The following IDO2 variants were observed in gnomAD, a reference collection of about 807,000 sequenced individuals.
IDO2 encodes indoleamine 2,3-dioxygenase-like 1 protein.
IDO2 carries 46 observed loss-of-function variants against 45.1 expected under a neutral mutation model. That is an observed-to-expected ratio of 1.02 (90% CI 0.80 to 1.30). The LOEUF is 1.30. Among genes scored for constraint, IDO2 ranks in the 50% most tolerant of loss-of-function variants. The pLI is 0.00. For synonymous variants in IDO2, 218 were observed against 184.9 expected (o/e 1.18, Z -1.45); for missense variants, 544 against 491.8 (o/e 1.11, Z -1.00).
At chr8:39,978,958 A>G in intron 3 of IDO2, 109 bp from the exon 4 acceptor site, 1 of 1,013,526 alleles carries the variant, frequency 9.9e-7, no homozygotes, top group Non-Finnish European at 1.5e-6. Context: ...AATATAACCC[A>G]TTGCCTTCCA....
At chr8:39,955,296 C>G (rs2543084) in intron 2 of IDO2, among the ~76,000 whole-genome samples, 26,934 of 136,046 alleles carry the variant, frequency 0.2, 2,592 homozygotes, top group East Asian at 0.28. Context: ...CTCTTGTTGC[C>G]TAGGCTGGAG....
intron 3 of IDO2, among the ~76,000 whole-genome samples, chr8:39,978,470 C>T (rs1348769702): frequency 1.3e-5 from 2 of 152,086 alleles, no homozygotes; most frequent in Non-Finnish European, 2.9e-5. Context: ...TGCTTTCAAC[C>T]ATGATACCGC....
chr8:39,993,142 G>A (rs535465854), intron 8 of IDO2, among the ~76,000 whole-genome samples: 4 of 152,174 alleles, frequency 2.6e-5, no homozygotes, highest in South Asian at 4.1e-4. Context: ...GCTTTCCAGC[G>A]ACTCAGCCAG....
intron 8 of IDO2, among the ~76,000 whole-genome samples, chr8:40,001,217 A>G (rs1005518797): frequency 9.8e-6 from 1 of 102,564 alleles, no homozygotes; most frequent in African/African-American, 3.9e-5. Flanking sequence ...ATTCGTGCCT[A>G]TTTTCTGTAA....
At position 39,980,560 on chromosome 8, in the gene IDO2, G is replaced by T. The variant is rs547070341; in HGVS notation, c.315+1374G>T. On this transcript the variant is annotated intron_variant, in intron 4 of 10. Transcript: ENST00000502986. The stretch of plus-strand genomic sequence containing the variant: ...TTAAAAGTTACTGTTATTTTTAAAA[G>T]TGTGCCTTCCCCAGAAATCAGGGAG... Among the ~76,000 whole-genome samples, 15 of 152,064 alleles carry T rather than the reference G, an allele frequency of 9.9e-5. No homozygotes were observed. In the East Asian group the frequency reaches 2.7e-3, roughly 28 times the overall value.
At chr8:39,955,814 G>A (rs1295310788) in intron 2 of IDO2, among the ~76,000 whole-genome samples, 5 of 152,010 alleles carry the variant, frequency 3.3e-5, no homozygotes, top group Admixed American at 6.6e-5. Flanking sequence ...GTCCCCAAAC[G>A]TTTTCTATAT....
In IDO2 at chr8:39,984,475, A is replaced by G. The variant is rs181295056; in HGVS notation, c.435-1033A>G. 1.1e-3 allele frequency among the ~76,000 whole-genome samples: 170 copies of G among 152,308 alleles called. 2 individuals are homozygous for G. Among genetic ancestry groups the G allele is most frequent in the African/African-American group, 3.7e-3 (153 of 41,548 alleles). ...GGGTGACAGAGTGAGATCCTATCTC[A>G]AAAACAAACAAAACAAAACAAAACA... is the stretch of plus-strand genomic sequence containing the variant. On this transcript the variant is annotated intron_variant, in intron 5 of 10. Coordinates refer to ENST00000502986, the Ensembl canonical transcript of IDO2.
intron 9 of IDO2, among the ~76,000 whole-genome samples, chr8:40,012,619 G>T (rs1802324618): frequency 6.6e-6 from 1 of 152,184 alleles, no homozygotes; most frequent in Non-Finnish European, 1.5e-5. Context: ...AACTGTGATT[G>T]TTCAAGACTA....
chr8:39,981,125 G>T (rs1432787324), intron 4 of IDO2, among the ~76,000 whole-genome samples: 3 of 149,196 alleles, frequency 2.0e-5, no homozygotes, highest in Non-Finnish European at 4.4e-5. Context: ...GCAGTGGCAC[G>T]ATCTTGGCTC....
At chr8:40,010,847 T>C (rs955862131) in intron 9 of IDO2, among the ~76,000 whole-genome samples, 1 of 152,162 alleles carries the variant, frequency 6.6e-6, no homozygotes, top group Admixed American at 6.5e-5. Context: ...GTCTGGAATA[T>C]AGGGGAGTGG....
intron 2 of IDO2, among the ~76,000 whole-genome samples, chr8:39,961,097 T>G (rs931860791): frequency 1.3e-5 from 2 of 152,180 alleles, no homozygotes; most frequent in Non-Finnish European, 2.9e-5. Flanking sequence ...TGTCTTGACT[T>G]TTATAGGGTC....
intron 1 of IDO2, among the ~76,000 whole-genome samples, chr8:39,946,841 G>A (rs1807739421): frequency 1.3e-5 from 2 of 151,640 alleles, no homozygotes; most frequent in South Asian, 4.2e-4. Flanking sequence ...TATCTTAGTG[G>A]TAGGGTCCCA....
intron 2 of IDO2, among the ~76,000 whole-genome samples, chr8:39,955,813 C>A (rs1047835183): frequency 1.2e-4 from 19 of 152,128 alleles, no homozygotes; most frequent in African/African-American, 4.3e-4. Flanking sequence ...TGTCCCCAAA[C>A]GTTTTCTATA....
At chr8:40,011,821 G>T (rs1372144132) in intron 9 of IDO2, among the ~76,000 whole-genome samples, 2 of 152,220 alleles carry the variant, frequency 1.3e-5, no homozygotes, top group South Asian at 2.1e-4. Flanking sequence ...TTAATAAATA[G>T]CAAAGGTAAA....
chr8:39,962,004 G>A (rs1808005399), intron 2 of IDO2, among the ~76,000 whole-genome samples: 1 of 152,186 alleles, frequency 6.6e-6, no homozygotes, highest in South Asian at 2.1e-4. Flanking sequence ...GGTTTATGTT[G>A]CAACTACCAA....
intron 8 of IDO2, among the ~76,000 whole-genome samples, chr8:40,000,907 A>G (rs1802124643): frequency 6.6e-6 from 1 of 152,032 alleles, no homozygotes; most frequent in Admixed American, 6.6e-5. Context: ...TCTTTTGTTT[A>G]TTTGTTTATT....
At chr8:40,002,220 C>A (rs1441935397) in intron 8 of IDO2, among the ~76,000 whole-genome samples, 1 of 152,148 alleles carries the variant, frequency 6.6e-6, no homozygotes, top group African/African-American at 2.4e-5. Flanking sequence ...AATTCTATTT[C>A]CCTCCTATGG....
chr8:39,946,434 T>C (rs1054505068), intron 1 of IDO2, among the ~76,000 whole-genome samples: 1 of 152,014 alleles, frequency 6.6e-6, no homozygotes, highest in Non-Finnish European at 1.5e-5. Context: ...TGGTAAACCC[T>C]GTCTCTACTA....
rs1256742739 is a variant in IDO2 at position 39,993,052 on chromosome 8, CAT to C, written c.667+3216_667+3217del. 4.6e-5 allele frequency among the ~76,000 whole-genome samples: 7 copies of C among 152,264 alleles called. No individual in the cohort carries two copies. The East Asian group carries it at 1.4e-3, about 29-fold the overall frequency. Reference sequence around the variant, plus strand: ...GCAGAAGTCCACACGGTACTGGAAACATAACCATATCTATGTCAGTCTGCCAC... The same window carrying C: ...GCAGAAGTCCACACGGTACTGGAAACAACCATATCTATGTCAGTCTGCCAC... On this transcript the variant is annotated intron_variant, in intron 8 of 10. Transcript: ENST00000502986.
Sources: allele counts gnomAD v4.1 joint callset (sites outside exome capture counted in the v4.1 genomes callset), GRCh38; gene constraint gnomAD v4.1.1; transcripts MANE v1.5; gene names NCBI Gene and HGNC (gene_info 2026-07-23, HGNC 2026-07-21).